The following PEBP4 variants were observed in gnomAD, a reference collection of about 807,000 sequenced individuals.
The protein encoded by PEBP4 is phosphatidylethanolamine-binding protein 4.
In PEBP4, 22 loss-of-function variants were observed where a neutral mutation model predicts 23.9. That is an observed-to-expected ratio of 0.92 (90% CI 0.66 to 1.31). The LOEUF is 1.31. Among genes scored for constraint, PEBP4 ranks in the 40% most tolerant of loss-of-function variants. The pLI is 0.00. For missense variants in PEBP4, 324 were observed against 281.7 expected (o/e 1.15, Z -1.07); for synonymous variants, 112 against 99.3 (o/e 1.13, Z -0.76).
Position 22,911,357 on chromosome 8 carries a change from T to G in PEBP4, c.258+8827A>C, listed in dbSNP as rs370014624. 1.2e-4 allele frequency among the ~76,000 whole-genome samples: 18 copies of G among 152,240 alleles called. No homozygotes were observed. The East Asian group carries it at 3.5e-3, about 29-fold the overall frequency. ...TGCCAGCCCAGCCCCCAGCAGCTGC[T>G]GCAGCCCCCTCCTCTGGCAGTTCTC... On this transcript the variant is annotated intron_variant, in intron 3 of 6. Transcript: ENST00000256404.
chr8:22,898,806 CG>C (rs1233493572), intron 3 of PEBP4, among the ~76,000 whole-genome samples: 2 of 152,114 alleles, frequency 1.3e-5, no homozygotes, highest in East Asian at 3.9e-4. Context: ...GGGCAGGTTG[CG>C]GGATGATAAA....
rs140847017 is a variant in PEBP4 at position 22,862,618 on chromosome 8, T to C, written c.259-44883A>G. On this transcript the variant is annotated intron_variant, in intron 3 of 6. Coordinates refer to ENST00000256404, the MANE Select transcript of PEBP4 (RefSeq NM_144962.3). Reference sequence around the variant, plus strand: ...ATTTATTAGGTACCTCACACCATTCTAAAGGCTTAAACACAAACTCTTTTA... The same window carrying C: ...ATTTATTAGGTACCTCACACCATTCCAAAGGCTTAAACACAAACTCTTTTA... Among the ~76,000 whole-genome samples, 55 of 152,282 alleles carry C rather than the reference T, an allele frequency of 3.6e-4. No homozygotes were observed. In the East Asian group the frequency reaches 0.011, roughly 29 times the overall value.
intron 4 of PEBP4, among the ~76,000 whole-genome samples, chr8:22,809,829 T>G (rs549611785): frequency 1.9e-4 from 29 of 152,276 alleles, no homozygotes; most frequent in African/African-American, 6.7e-4. Flanking sequence ...ACAGGAAGAG[T>G]ATCTGTGGCC....
chr8:22,911,049 GT>G (rs1808929095), intron 3 of PEBP4, among the ~76,000 whole-genome samples: 1 of 152,038 alleles, frequency 6.6e-6, no homozygotes, highest in African/African-American at 2.4e-5. Flanking sequence ...GGGGGCAGGG[GT>G]ACATGGGAAT....
upstream of PEBP4, among the ~76,000 whole-genome samples, chr8:22,930,943 C>T (rs1809446394): frequency 6.6e-6 from 1 of 152,176 alleles, no homozygotes; most frequent in South Asian, 2.1e-4. Flanking sequence ...CACCTCCAGA[C>T]ACCACCATTC....
intron 5 of PEBP4, among the ~76,000 whole-genome samples, chr8:22,725,997 A>ATGTGTGTGTG (rs1198943272): frequency 1.3e-5 from 1 of 79,844 alleles, no homozygotes; most frequent in East Asian, 4.6e-4. Flanking sequence ...CAGATCAGAT[A>ATGTGTGTGTG]TATGTGTGTG....
At chr8:22,792,971 G>A (rs1458336766) in intron 4 of PEBP4, among the ~76,000 whole-genome samples, 1 of 151,892 alleles carries the variant, frequency 6.6e-6, no homozygotes, top group Non-Finnish European at 1.5e-5. Context: ...AAATTATCTT[G>A]CCCAGCAATT....
intron 6 of PEBP4, among the ~76,000 whole-genome samples, chr8:22,715,738 T>G (rs1007116792): frequency 3.3e-5 from 5 of 152,152 alleles, no homozygotes; most frequent in African/African-American, 1.2e-4. Context: ...TGAAACCCAG[T>G]CCCCGTGCCG....
chr8:22,738,878 C>T (rs1056819339), intron 4 of PEBP4, among the ~76,000 whole-genome samples: 4 of 152,232 alleles, frequency 2.6e-5, no homozygotes, highest in African/African-American at 9.6e-5. Flanking sequence ...CACACACTCA[C>T]ATGTACTCAC....
intron 3 of PEBP4, among the ~76,000 whole-genome samples, chr8:22,893,120 C>T (rs1436078172): frequency 6.6e-6 from 1 of 152,184 alleles, no homozygotes; most frequent in African/African-American, 2.4e-5. Context: ...GAAAAGTCTA[C>T]AGGGCTCACA....
chr8:22,776,593 T>C (rs1226074113), intron 4 of PEBP4, among the ~76,000 whole-genome samples: 1 of 151,942 alleles, frequency 6.6e-6, no homozygotes, highest in Non-Finnish European at 1.5e-5. Flanking sequence ...CCGAGTCCTC[T>C]CTGCATTTTT....
intron 6 of PEBP4, among the ~76,000 whole-genome samples, chr8:22,716,775 T>C (rs946043632): frequency 2.0e-5 from 3 of 152,158 alleles, no homozygotes; most frequent in Admixed American, 6.5e-5. Flanking sequence ...CTTGGTAGAA[T>C]GGGGGATCGG....
chr8:22,727,870 TC>T, intron 4 of PEBP4, among the ~76,000 whole-genome samples: 1 of 151,986 alleles, frequency 6.6e-6, no homozygotes, highest in East Asian at 1.9e-4. Context: ...TTTCCCTCCC[TC>T]CTCCCCTCCA....
chr8:22,859,036 G>A lies in PEBP4; in HGVS notation c.259-41301C>T, dbSNP rs548450506. 5.3e-5 allele frequency among the ~76,000 whole-genome samples: 8 copies of A among 152,316 alleles called. 1 individual carries two copies. In the South Asian group the frequency reaches 8.3e-4, roughly 16 times the overall value. ...CTCCATTTAGAAGTCAGCATGGCAC[G>A]GGTGTCCCCATAATACCCAAACACT... On this transcript the variant is annotated intron_variant, in intron 3 of 6. Coordinates refer to ENST00000256404, the MANE Select transcript of PEBP4 (RefSeq NM_144962.3).
Position 22,804,026 on chromosome 8 carries a change from T to C in PEBP4, c.357+13611A>G, listed in dbSNP as rs138899644. On this transcript the variant is annotated intron_variant, in intron 4 of 6. Transcript: ENST00000256404. ...ACTCCACATAGCAGCTAGATAGATCTTTTAAAAGTGCAAGGCAGGGGCTGG... is the reference window on the plus strand; with the variant it reads ...ACTCCACATAGCAGCTAGATAGATCCTTTAAAAGTGCAAGGCAGGGGCTGG... Among the ~76,000 whole-genome samples the C allele has an allele frequency of 3.3e-5, 5 of 152,296 alleles. No homozygotes were observed. In the East Asian group the frequency reaches 9.7e-4, roughly 29 times the overall value.
chr8:22,719,894 G>A (rs758647459), intron 6 of PEBP4, among the ~76,000 whole-genome samples: 2 of 152,216 alleles, frequency 1.3e-5, no homozygotes, highest in Non-Finnish European at 2.9e-5. Flanking sequence ...ACTGTCACTT[G>A]TGGGCATGGT....
At chr8:22,846,359 T>G (rs992341169) in intron 3 of PEBP4, among the ~76,000 whole-genome samples, 2 of 152,164 alleles carry the variant, frequency 1.3e-5, no homozygotes, top group African/African-American at 2.4e-5. Context: ...ATGTGGCTCT[T>G]AGAAGTAGGA....
chr8:22,737,155 G>A (rs551367892), intron 4 of PEBP4, among the ~76,000 whole-genome samples: 2 of 152,046 alleles, frequency 1.3e-5, no homozygotes, highest in Non-Finnish European at 2.9e-5. Flanking sequence ...TTAGCAAGGC[G>A]TGGTGGCAGG....
intron 4 of PEBP4, among the ~76,000 whole-genome samples, chr8:22,736,065 G>A (rs1804854908): frequency 6.6e-6 from 1 of 152,142 alleles, no homozygotes; most frequent in Non-Finnish European, 1.5e-5. Context: ...TCTGGGGCCT[G>A]TACTGGCTGG....
Sources: gnomAD v4.1 joint callset for allele counts (sites outside exome capture counted in the v4.1 genomes callset) on GRCh38, gnomAD v4.1.1 for gene constraint, MANE v1.5 for transcripts, NCBI Gene and HGNC (gene_info 2026-07-23, HGNC 2026-07-21) for gene names.